RNPEP: variants seen among roughly 807,000 people sequenced by gnomAD.
The protein encoded by RNPEP is arginyl aminopeptidase.
A neutral mutation model predicts 70.1 loss-of-function variants in RNPEP; 57 were observed. The observed-to-expected ratio is 0.81, with a 90% CI of 0.66 to 1.01. RNPEP has a LOEUF of 1.01. Among genes scored for constraint, RNPEP ranks in the 50% least tolerant of loss-of-function variants. RNPEP has a pLI of 0.00. For synonymous variants in RNPEP, 335 were observed against 357.4 expected, an observed-to-expected ratio of 0.94 and a Z score of 0.71; for missense variants, 787 against 852.4, an observed-to-expected ratio of 0.92 and a Z score of 0.96.
intron 1 of RNPEP, chr1:201,983,872 A>G: frequency 2.0e-6 from 2 of 997,346 alleles, no homozygotes; most frequent in Non-Finnish European, 2.4e-6. Flanking sequence ...TGTGGCTGCC[A>G]GTTATCTCTC....
chr1:202,003,077 C>G lies in RNPEP; in HGVS notation c.1427-160C>G, dbSNP rs147476345. The G allele has an allele frequency of 4.9e-6, 3 of 608,080 alleles. No homozygotes were observed. In the African/African-American group the frequency reaches 5.6e-5, roughly 11 times the overall value. 37.7% of individuals were successfully genotyped at this position (608,080 alleles called of 1,614,324 possible). On this transcript the variant is annotated intron_variant, in intron 8 of 10. Transcript: ENST00000295640. Reference sequence around the variant, plus strand: ...CTCTAGATGTCGTTATAACTAGGACCCTGCTGGAGCGAATAGTTACATGGG... The same window carrying G: ...CTCTAGATGTCGTTATAACTAGGACGCTGCTGGAGCGAATAGTTACATGGG...
At chr1:202,000,951 AC>A (rs1410487370) in intron 6 of RNPEP, 3 of 168,630 alleles carry the variant, frequency 1.8e-5, no homozygotes, top group African/African-American at 7.2e-5. Context: ...TTAGGTGGTG[AC>A]CAATAGGGAT....
In RNPEP at chr1:201,996,227, C is replaced by T. The variant is rs1009449209; in HGVS notation, c.818C>T (p.Thr273Ile). ...GGGGTGATAGAAGAATTTTTGGCAA[C>T]AGGAGAGAAGCTTTTTGGACCTTAT... The part of the protein sequence containing the change: ...YNGVIEEFLA[T>I]GEKLFGPYVW... The change falls in exon 4 of 11, where the codon ACA (threonine) becomes ATA (isoleucine). Residue 273 changes from threonine (T) to isoleucine (I), a missense_variant. Thr to Ile is a moderately conservative substitution (Grantham distance 89). Transcript: ENST00000295640. The T allele has an allele frequency of 6.2e-6, 10 of 1,613,968 alleles. No homozygotes were observed. Among genetic ancestry groups the T allele is most frequent in the Non-Finnish European group, 8.5e-6 (10 of 1,179,952 alleles).
Position 202,005,569 on chromosome 1 carries a change from G to A in RNPEP, c.1806G>A (p.Lys602=). 1 of 1,614,188 alleles carries A rather than the reference G, an allele frequency of 6.2e-7. No individual in the cohort carries two copies. The highest frequency in any genetic ancestry group is 8.5e-7 in the Non-Finnish European group (1 of 1,180,040). The change falls in exon 11 of 11, where the codon AAG becomes AAA. Residue 602 remains lysine, a synonymous_variant. Coordinates refer to ENST00000295640, the MANE Select transcript of RNPEP (RefSeq NM_020216.4). ...TGTGTTTCTTGCAGGGGAAGCAGAA[G>A]TATACACTTCCGCTGTACCACGCAA... ...KEFLHNQGKQ[K]YTLPLYHAMM... is the part of the protein sequence containing the mutation.
At position 201,997,392 on chromosome 1, in the gene RNPEP, C is replaced by T. The variant is rs1683594777; in HGVS notation, c.928C>T (p.Pro310Ser). 1 of 1,614,128 alleles carries T rather than the reference C, an allele frequency of 6.2e-7. No individual in the cohort carries two copies. Residue 310 changes from proline to serine, a missense_variant, in exon 5 of 11, where the codon CCC becomes TCC. Physicochemically the swap from Pro to Ser is moderately conservative, Grantham distance 74 (BLOSUM62 -1). Transcript: ENST00000295640. ...GAACCCTTGTCTGACCTTTGTCACCCCCTGCCTGCTAGCTGGGGACCGCTC... is the reference window on the plus strand; with the variant it reads ...GAACCCTTGTCTGACCTTTGTCACCTCCTGCCTGCTAGCTGGGGACCGCTC... ...MENPCLTFVT[P>S]CLLAGDRSLA...
At chr1:202,004,270 C>A in intron 9 of RNPEP, 84 bp from the exon 10 acceptor site, 1 of 1,469,792 alleles carries the variant, frequency 6.8e-7, no homozygotes, top group Non-Finnish European at 9.3e-7. Context: ...TCAAGTGATC[C>A]GCCCACCTCA....
intron 9 of RNPEP, 114 bp from the exon 10 acceptor site, chr1:202,004,240 C>A (rs368568576): frequency 1.1e-5 from 13 of 1,145,168 alleles, no homozygotes; most frequent in East Asian, 2.4e-5. Flanking sequence ...ATTGGCCAGG[C>A]TGGTCTCACA....
rs1683739995 is a variant in RNPEP at position 202,000,167 on chromosome 1, C to G, written c.1204+152C>G. The G allele has an allele frequency of 6.7e-6, 4 of 595,968 alleles. No homozygotes were observed. The Admixed American group carries it at 9.3e-5, about 14-fold the overall frequency. 36.9% of individuals were successfully genotyped at this position (595,968 alleles called of 1,614,324 possible). A position where few individuals can be genotyped will look rare whatever the true frequency, so the allele number is the denominator to read the frequency against. On this transcript the variant is annotated intron_variant, in intron 6 of 10. Coordinates refer to ENST00000295640, the MANE Select transcript of RNPEP (RefSeq NM_020216.4). Reference sequence around the variant, plus strand: ...GCTCTTTGTAGCCAATTCTCTGGCCCCTGGGCTGACTGAACCCAAGCCATT... The same window carrying G: ...GCTCTTTGTAGCCAATTCTCTGGCCGCTGGGCTGACTGAACCCAAGCCATT...
chr1:201,993,402 G>T (rs1219134472), intron 3 of RNPEP, among the ~76,000 whole-genome samples: 1 of 152,140 alleles, frequency 6.6e-6, no homozygotes, highest in African/African-American at 2.4e-5. Flanking sequence ...TTTGAGACTA[G>T]CCTGGCCAAC....
intron 4 of RNPEP, chr1:201,996,465 T>TTGTGTG (rs71281164): frequency 0.061 from 14,104 of 232,080 alleles, 388 homozygotes; most frequent in Non-Finnish European, 0.069. Flanking sequence ...ATGAGGTTCT[T>TTGTGTG]TGTGTGTGTG....
At chr1:201,987,597 C>G (rs1156689373) in intron 1 of RNPEP, among the ~76,000 whole-genome samples, 2 of 151,574 alleles carry the variant, frequency 1.3e-5, no homozygotes, top group Non-Finnish European at 2.9e-5. Flanking sequence ...GCCATCACAC[C>G]CGGCTAATTT....
Position 202,005,605 on chromosome 1 carries a change from C to T in RNPEP, c.1842C>T (p.Gly614=). ...CGCTGTACCACGCAATGATGGGTGG[C>T]AGTGAGGTGGCCCAGACCCTCGCCA... ...TLPLYHAMMG[G]SEVAQTLAKE... is the part of the protein sequence containing the mutation. Residue 614 remains glycine (G), a synonymous_variant, in exon 11 of 11, where the codon GGC becomes GGT. Coordinates refer to ENST00000295640, the MANE Select transcript of RNPEP (RefSeq NM_020216.4). 1.2e-6 allele frequency: 2 copies of T among 1,614,162 alleles called. No individual in the cohort carries two copies. Among genetic ancestry groups the T allele is most frequent in the Non-Finnish European group, 1.7e-6 (2 of 1,180,018 alleles).
intron 4 of RNPEP, 90 bp from the exon 5 acceptor site, chr1:201,997,229 T>G: frequency 2.1e-6 from 2 of 960,154 alleles, no homozygotes; most frequent in Non-Finnish European, 3.4e-6. Context: ...CTGCATCTGT[T>G]AGGGCTTGGA....
Position 201,982,745 on chromosome 1 carries a change from T to C in RNPEP, c.79T>C (p.Ser27Pro). 1.4e-6 allele frequency: 2 copies of C among 1,380,100 alleles called. No individual in the cohort carries two copies. The highest frequency in any genetic ancestry group is 1.9e-6 in the Non-Finnish European group (2 of 1,066,248). The allele number at this position is 1,380,100 out of a possible 1,614,324, so 85.5% of individuals were successfully genotyped here. A position where few individuals can be genotyped will look rare whatever the true frequency, so the allele number is the denominator to read the frequency against. Reference sequence around the variant, plus strand: ...CTCCGCGCAGGCTGTGGACGTGGCCTCGGCCTCCAACTTCCGGGCCTTTGA... The same window carrying C: ...CTCCGCGCAGGCTGTGGACGTGGCCCCGGCCTCCAACTTCCGGGCCTTTGA... ...LHSAQAVDVASASNFRAFELL... is the reference protein window; with the variant it reads ...LHSAQAVDVAPASNFRAFELL... Residue 27 changes from serine (S) to proline (P), a missense_variant, in exon 1 of 11, where the codon TCG becomes CCG. By Grantham distance (74) the Ser-to-Pro change is moderately conservative. Transcript: ENST00000295640.
At chr1:201,988,172 A>G (rs1683198387) in intron 1 of RNPEP, among the ~76,000 whole-genome samples, 2 of 150,462 alleles carry the variant, frequency 1.3e-5, no homozygotes, top group South Asian at 2.1e-4. Context: ...AAGAGAATGT[A>G]TATTAGGCTG....
At position 201,989,608 on chromosome 1, in the gene RNPEP, G is replaced by A. The variant is rs547970872; in HGVS notation, c.737+77G>A. 2.0e-6 allele frequency: 3 copies of A among 1,536,202 alleles called. No homozygotes were observed. The East Asian group carries it at 6.8e-5, about 35-fold the overall frequency. On this transcript the variant is annotated intron_variant, in intron 3 of 10. Transcript: ENST00000295640. ...AGGACTCTGACCAGTGGACCTGCTG[G>A]GGGGGTTCTTGGGCAGTCTTGGATC... is the stretch of plus-strand genomic sequence containing the variant.
chr1:201,994,669 T>A (rs1683476699), intron 3 of RNPEP, among the ~76,000 whole-genome samples: 1 of 120,214 alleles, frequency 8.3e-6, no homozygotes, highest in Non-Finnish European at 1.8e-5. Flanking sequence ...CATCAGTCTC[T>A]TTTTTTTTTT....
At chr1:201,993,622 A>G (rs1372631308) in intron 3 of RNPEP, among the ~76,000 whole-genome samples, 1 of 150,980 alleles carries the variant, frequency 6.6e-6, no homozygotes, top group Non-Finnish European at 1.5e-5. Flanking sequence ...CAAAAAAAAA[A>G]AACAAACTCG....
Position 201,999,940 on chromosome 1 carries a change from G to A in RNPEP, c.1129G>A (p.Ala377Thr). Residue 377 changes from alanine to threonine, a missense_variant, in exon 6 of 11, where the codon GCT (alanine) becomes ACT (threonine). Physicochemically the swap from Ala to Thr is moderately conservative, Grantham distance 58. Transcript: ENST00000295640. ...CTGCTTGGAGGCTGCAACGGGGCGGGCTCTGCTGCGTCAGCACATGGACAT... is the reference window on the plus strand; with the variant it reads ...CTGCTTGGAGGCTGCAACGGGGCGGACTCTGCTGCGTCAGCACATGGACAT... ...YTCLEAATGRALLRQHMDITG... is the reference protein window; with the variant it reads ...YTCLEAATGRTLLRQHMDITG... 6.2e-7 allele frequency: 1 copy of A among 1,613,818 alleles called. No homozygotes were observed. The highest frequency in any genetic ancestry group is 1.1e-5 in the South Asian group (1 of 91,000).
Sources: allele counts gnomAD v4.1 joint callset (sites outside exome capture counted in the v4.1 genomes callset), GRCh38; gene constraint gnomAD v4.1.1; transcripts MANE v1.5; gene names NCBI Gene and HGNC (gene_info 2026-07-23, HGNC 2026-07-21).